The following TENM1 variants were observed in gnomAD, a reference collection of about 807,000 sequenced individuals.
TENM1 encodes the protein teneurin transmembrane protein 1.
TENM1 carries 35 observed loss-of-function variants against 174.8 expected under a neutral mutation model. The ratio of observed to expected loss-of-function variants is 0.20; its 90% CI spans 0.15 to 0.27. The LOEUF (loss-of-function observed/expected upper bound fraction) is 0.27. Among genes scored for constraint, TENM1 ranks in the 10% least tolerant of loss-of-function variants. The pLI is 1.00. For synonymous variants in TENM1, 781 were observed against 798.7 expected, an observed-to-expected ratio of 0.98 and a Z score of 0.37; for missense variants, 1,633 against 2,130.1, an observed-to-expected ratio of 0.77 and a Z score of 4.59.
At chrX:124,525,875 G>A (rs1363322652) in intron 16 of TENM1, among the ~76,000 whole-genome samples, 1 of 111,892 alleles carries the variant, frequency 8.9e-6, no homozygotes, top group African/African-American at 3.2e-5. Flanking sequence ...GCATATAGTA[G>A]GAACTCAACA....
chrX:124,914,470 T>C (rs977424664), intron 1 of TENM1, among the ~76,000 whole-genome samples: 2 of 111,672 alleles, frequency 1.8e-5, no homozygotes, highest in Non-Finnish European at 3.8e-5. Context: ...TAGACTCCAG[T>C]ACTGTTGTCC....
intron 11 of TENM1, among the ~76,000 whole-genome samples, chrX:124,634,950 A>T (rs908356338): frequency 8.9e-6 from 1 of 111,925 alleles, no homozygotes; most frequent in African/African-American, 3.2e-5. Flanking sequence ...ACACACATAC[A>T]CATGTTTATG....
chrX:124,881,571 G>T (rs942189381), intron 3 of TENM1, among the ~76,000 whole-genome samples: 3 of 110,610 alleles, frequency 2.7e-5, no homozygotes, highest in Non-Finnish European at 5.7e-5. Context: ...TTGGGGTTTA[G>T]TATGTTCTTG....
chrX:124,490,797 T>C (rs973499204), intron 20 of TENM1, among the ~76,000 whole-genome samples: 47 of 112,060 alleles, frequency 4.2e-4, no homozygotes, highest in Admixed American at 2.8e-4. Flanking sequence ...AGTTTTCTAA[T>C]AGAGTTGTGA....
intron 1 of TENM1, among the ~76,000 whole-genome samples, chrX:124,960,549 A>T: frequency 8.9e-6 from 1 of 112,080 alleles, no homozygotes; most frequent in South Asian, 3.8e-4. Context: ...AATCCGTTGA[A>T]AGGACGTTAG....
chrX:124,763,661 A>C (rs1365477474), intron 3 of TENM1, among the ~76,000 whole-genome samples: 1 of 112,021 alleles, frequency 8.9e-6, no homozygotes, highest in Non-Finnish European at 1.9e-5. Flanking sequence ...TCATGTGAGA[A>C]CAGGTCTCTA....
At chrX:124,382,180 A>AT (rs1237181474) in intron 31 of TENM1, among the ~76,000 whole-genome samples, 2 of 110,609 alleles carry the variant, frequency 1.8e-5, no homozygotes, top group Non-Finnish European at 3.8e-5. Context: ...TGATGTTCCT[A>AT]TTTTTTCTCA....
the TENM1 span, among the ~76,000 whole-genome samples, chrX:124,999,084 T>A: frequency 9.0e-6 from 1 of 111,159 alleles, no homozygotes; most frequent in Non-Finnish European, 1.9e-5. Context: ...ATTAGATGAC[T>A]TTTTTTCTGA....
exon 30 of TENM1, chrX:124,383,797 C>A: frequency 8.3e-7 from 1 of 1,210,210 alleles, no homozygotes; most frequent in Non-Finnish European, 1.1e-6. Context: ...GCCCCAGGTG[C>A]ACTAATTTAG....
chrX:124,699,557 A>G (rs1036084585), intron 5 of TENM1, among the ~76,000 whole-genome samples: 1 of 111,394 alleles, frequency 9.0e-6, no homozygotes. Flanking sequence ...AGAAAAAAAA[A>G]TAAGTGCAGT....
chrX:125,193,988 T>C, the TENM1 span, among the ~76,000 whole-genome samples: 224 of 110,769 alleles, frequency 2.0e-3, no homozygotes, highest in Non-Finnish European at 3.7e-3. Flanking sequence ...CTCACTATGT[T>C]GCCCAAGCTT....
the TENM1 span, among the ~76,000 whole-genome samples, chrX:125,047,742 T>G: frequency 8.9e-6 from 1 of 111,806 alleles, no homozygotes; most frequent in Non-Finnish European, 1.9e-5. Context: ...TCAGTTTCAT[T>G]AATTCAAAGG....
At position 124,528,003 on chromosome X, in the gene TENM1, TACTC is replaced by T. The variant is rs1355886076; in HGVS notation, c.2771+1857_2771+1860del. 3.7e-5 allele frequency among the ~76,000 whole-genome samples: 4 copies of T among 108,543 alleles called. No individual in the cohort carries two copies. The East Asian group carries it at 1.2e-3, about 32-fold the overall frequency. 94.3% of individuals were successfully genotyped at this position (108,543 alleles called of 115,157 possible). A position where few individuals can be genotyped will look rare whatever the true frequency, so the allele number is the denominator to read the frequency against. On this transcript the variant is annotated intron_variant, in intron 16 of 31. Transcript: ENST00000422452. ...TGATTTTCTACTTTTGAAATGTACT[TACTC>T]AAACTGAGGTAGCAACAAGCAGAGA...
intron 15 of TENM1, among the ~76,000 whole-genome samples, chrX:124,531,520 G>A (rs2048106919): frequency 8.9e-6 from 1 of 112,078 alleles, no homozygotes; most frequent in African/African-American, 3.2e-5. Context: ...AAAGTTACAA[G>A]CCATTAAGTA....
chrX:124,737,971 G>A (rs755024214), intron 3 of TENM1, among the ~76,000 whole-genome samples: 2 of 111,814 alleles, frequency 1.8e-5, no homozygotes, highest in Non-Finnish European at 3.8e-5. Flanking sequence ...CTGGGACAGC[G>A]GTCCTCAGGC....
chrX:124,458,962 C>T (rs569050828), intron 22 of TENM1, among the ~76,000 whole-genome samples: 4 of 112,128 alleles, frequency 3.6e-5, no homozygotes, highest in African/African-American at 1.3e-4. Context: ...GAGCACTGTC[C>T]TAGGCAATGA....
At chrX:125,104,727 G>C in the TENM1 span, among the ~76,000 whole-genome samples, 74 of 110,085 alleles carry the variant, frequency 6.7e-4, 1 homozygote, top group African/African-American at 2.3e-3. Context: ...GCTACACCAA[G>C]GATGAAACAA....
chrX:124,728,844 A>T, intron 4 of TENM1, among the ~76,000 whole-genome samples: 1 of 112,023 alleles, frequency 8.9e-6, no homozygotes, highest in Admixed American at 9.5e-5. Context: ...GGATTTTACA[A>T]AGTTCCTTAA....
At chrX:124,467,626 T>G (rs751805767) in intron 22 of TENM1, among the ~76,000 whole-genome samples, 83 of 112,235 alleles carry the variant, frequency 7.4e-4, no homozygotes, top group Admixed American at 7.1e-3. Context: ...TTACAGGATG[T>G]TAAATATTTT....
Sources: allele counts gnomAD v4.1 joint callset (sites outside exome capture counted in the v4.1 genomes callset), GRCh38; gene constraint gnomAD v4.1.1; transcripts MANE v1.5; gene names NCBI Gene and HGNC (gene_info 2026-07-23, HGNC 2026-07-21).